Variants in SPOCK1 observed in about 807,000 individuals in gnomAD.
SPOCK1 encodes the protein testican-1.
Under a neutral mutation model 55.3 loss-of-function variants are expected in SPOCK1, and 23 were observed. The observed-to-expected ratio is 0.42, with a 90% CI of 0.30 to 0.59. The LOEUF (loss-of-function observed/expected upper bound fraction) is 0.59, where lower values mean the gene tolerates loss of function less well. SPOCK1 is among the 20% of genes least tolerant of loss of function. The probability of loss-of-function intolerance (pLI) is 0.22; values close to 1 mark genes in which losing one functional copy is unlikely to be tolerated. For synonymous variants in SPOCK1, 226 were observed against 221.0 expected (o/e 1.02, Z -0.20); for missense variants, 499 against 552.5 (o/e 0.90, Z 0.97).
chr5:137,198,007 C>T (rs535973185), intron 3 of SPOCK1, among the ~76,000 whole-genome samples: 1 of 152,192 alleles, frequency 6.6e-6, no homozygotes, highest in African/African-American at 2.4e-5. Context: ...TAATACCACC[C>T]CCCTATAGAC....
At chr5:137,226,069 G>C (rs1423002548) in intron 3 of SPOCK1, among the ~76,000 whole-genome samples, 10 of 152,206 alleles carry the variant, frequency 6.6e-5, no homozygotes, top group Admixed American at 2.6e-4. Context: ...CCTGAAAAGA[G>C]ATGGGGTTTT....
At chr5:137,442,298 C>A (rs1356963690) in intron 2 of SPOCK1, among the ~76,000 whole-genome samples, 1 of 152,150 alleles carries the variant, frequency 6.6e-6, no homozygotes, top group Non-Finnish European at 1.5e-5. Context: ...GGGGAAGATG[C>A]AGGCAAGGAG....
Position 137,038,037 on chromosome 5 carries a change from C to A in SPOCK1, c.589+29678G>T, listed in dbSNP as rs987560636. 5.9e-5 allele frequency among the ~76,000 whole-genome samples: 9 copies of A among 152,296 alleles called. No individual in the cohort carries two copies. The East Asian group carries it at 1.2e-3, about 20-fold the overall frequency. The stretch of plus-strand genomic sequence containing the variant: ...ACTGCAAGAGGGGTTGAGATGTATG[C>A]CCTTGCCTGAGGGTGGAGCTGTCTC... On this transcript the variant is annotated intron_variant, in intron 6 of 10. Transcript: ENST00000394945.
At chr5:137,225,977 G>A (rs759339724) in intron 3 of SPOCK1, among the ~76,000 whole-genome samples, 35 of 152,152 alleles carry the variant, frequency 2.3e-4, no homozygotes, top group African/African-American at 3.4e-4. Context: ...CTTGGAGCAC[G>A]CCTCACCAGG....
intron 2 of SPOCK1, among the ~76,000 whole-genome samples, chr5:137,454,146 A>G (rs1193616451): frequency 1.3e-5 from 2 of 152,172 alleles, no homozygotes; most frequent in East Asian, 3.8e-4. Context: ...GATAAAATAG[A>G]ATTGTTGTCT....
At chr5:137,007,123 C>T (rs749299841) in intron 6 of SPOCK1, among the ~76,000 whole-genome samples, 5 of 151,998 alleles carry the variant, frequency 3.3e-5, no homozygotes, top group Non-Finnish European at 5.9e-5. Flanking sequence ...TTCCTTACAC[C>T]TCATACAAAA....
rs1036295626 is a variant in SPOCK1, at chr5:137,217,606, T to C, written c.232+49404A>G. 2.0e-5 allele frequency among the ~76,000 whole-genome samples: 3 copies of C among 152,238 alleles called. 1 individual carries two copies. The highest frequency in any genetic ancestry group is 6.5e-5 in the Admixed American group (1 of 15,284). On this transcript the variant is annotated intron_variant, in intron 3 of 10. Transcript: ENST00000394945. ...ACATCCAAATGTCGGTATCACACTG[T>C]GGTTTGAAATAAAAAACTGCTTGGC... is the stretch of plus-strand genomic sequence containing the variant.
At chr5:137,072,986 T>A (rs1752647715) in intron 5 of SPOCK1, among the ~76,000 whole-genome samples, 1 of 152,196 alleles carries the variant, frequency 6.6e-6, no homozygotes, top group Non-Finnish European at 1.5e-5. Context: ...GATGCCAACA[T>A]GCTGTTCCTG....
Position 137,465,106 on chromosome 5 carries a change from G to A in SPOCK1, c.186+33267C>T, listed in dbSNP as rs147385457. On this transcript the variant is annotated intron_variant, in intron 2 of 10. Transcript: ENST00000394945. ...GAGTCCAGGATTCACGACTGAATGA[G>A]AAGTAATCAACAAGCACCCACGGCC... Among the ~76,000 whole-genome samples, 20 of 152,262 alleles carry A rather than the reference G, an allele frequency of 1.3e-4. No homozygotes were observed. The East Asian group carries it at 3.7e-3, about 28-fold the overall frequency.
intron 2 of SPOCK1, among the ~76,000 whole-genome samples, chr5:137,301,636 CTTT>C (rs34828127): frequency 3.9e-5 from 5 of 129,794 alleles, no homozygotes; most frequent in Admixed American, 1.6e-4. Context: ...ATTTCGTCTC[CTTT>C]TTTTTTTTTT....
intron 3 of SPOCK1, among the ~76,000 whole-genome samples, chr5:137,218,627 G>GA (rs1755764334): frequency 6.6e-6 from 1 of 152,168 alleles, no homozygotes; most frequent in Non-Finnish European, 1.5e-5. Flanking sequence ...GCTTTGCTGG[G>GA]AAAATTGACA....
intron 4 of SPOCK1, among the ~76,000 whole-genome samples, chr5:137,140,340 G>T (rs1754070541): frequency 6.6e-6 from 1 of 152,144 alleles, no homozygotes; most frequent in Non-Finnish European, 1.5e-5. Flanking sequence ...GTTCAGATCA[G>T]GACTCAGAGT....
chr5:137,012,489 A>G (rs1194571457), intron 6 of SPOCK1, among the ~76,000 whole-genome samples: 1 of 152,132 alleles, frequency 6.6e-6, no homozygotes. Context: ...CAACTCTTTG[A>G]GGCAGGCACT....
intron 9 of SPOCK1, among the ~76,000 whole-genome samples, chr5:136,980,764 G>A (rs1048891052): frequency 6.6e-6 from 1 of 152,080 alleles, no homozygotes; most frequent in Non-Finnish European, 1.5e-5. Context: ...TTGTTTTGGT[G>A]TTTTCTGCAT....
chr5:137,478,781 A>G (rs1753890131), intron 2 of SPOCK1, among the ~76,000 whole-genome samples: 1 of 151,992 alleles, frequency 6.6e-6, no homozygotes, highest in Non-Finnish European at 1.5e-5. Flanking sequence ...ACCACCCCCA[A>G]CCCAAATTTG....
At chr5:137,276,588 A>G (rs988335774) in intron 2 of SPOCK1, among the ~76,000 whole-genome samples, 2 of 152,198 alleles carry the variant, frequency 1.3e-5, no homozygotes, top group Non-Finnish European at 2.9e-5. Flanking sequence ...ATAAGATAAC[A>G]ATCCAACCTC....
At chr5:137,068,521 T>C (rs1398598826) in intron 5 of SPOCK1, among the ~76,000 whole-genome samples, 4 of 152,176 alleles carry the variant, frequency 2.6e-5, no homozygotes, top group Admixed American at 2.0e-4. Flanking sequence ...GCAATGGTAA[T>C]ATTTTAGTCA....
intron 2 of SPOCK1, among the ~76,000 whole-genome samples, chr5:137,475,925 T>C (rs1465736431): frequency 6.6e-6 from 1 of 152,190 alleles, no homozygotes; most frequent in Non-Finnish European, 1.5e-5. Flanking sequence ...CTGTTCTGAT[T>C]ATTTTTAAAG....
At chr5:137,161,749 T>C (rs1754562599) in intron 3 of SPOCK1, among the ~76,000 whole-genome samples, 1 of 152,168 alleles carries the variant, frequency 6.6e-6, no homozygotes, top group Admixed American at 6.5e-5. Flanking sequence ...CAAACTGTTT[T>C]TGTATTAAAA....
Sources: allele counts gnomAD v4.1 joint callset (sites outside exome capture counted in the v4.1 genomes callset), GRCh38; gene constraint gnomAD v4.1.1; transcripts MANE v1.5; gene names NCBI Gene and HGNC (gene_info 2026-07-23, HGNC 2026-07-21).